TEX2: variants seen among roughly 807,000 people sequenced by gnomAD.
TEX2 encodes the protein testis-expressed protein 2.
A neutral mutation model predicts 106.9 loss-of-function variants in TEX2; 53 were observed. The observed-to-expected ratio is 0.50, with a 90% confidence interval of 0.40 to 0.62. TEX2 has a LOEUF of 0.62. Among genes scored for constraint, TEX2 ranks in the 20% least tolerant of loss-of-function variants. TEX2 has a pLI of 0.00. For synonymous variants in TEX2, 523 were observed against 534.8 expected (o/e 0.98, Z 0.30); for missense variants, 1,207 against 1,379.0 (o/e 0.88, Z 1.98).
intron 1 of TEX2, among the ~76,000 whole-genome samples, chr17:64,261,461 A>G (rs1180635206): frequency 5.3e-5 from 8 of 152,180 alleles, no homozygotes; most frequent in Admixed American, 1.3e-4. Flanking sequence ...ATCTTCTCTC[A>G]CGATGACATA....
At chr17:64,230,001 GA>G (rs1567958400) in intron 1 of TEX2, among the ~76,000 whole-genome samples, 1 of 152,166 alleles carries the variant, frequency 6.6e-6, no homozygotes, top group East Asian at 1.9e-4. Context: ...ACTTAACCTT[GA>G]TATAGGGCAG....
Position 64,148,491 on chromosome 17 carries a change from C to T in TEX2, c.*478G>A, listed in dbSNP as rs933336105. ...CCGAAATGAAAAGGCTCACAGAATTCCTCTCCCCACCCTCCAGACACATTG... is the reference window on the plus strand; with the variant it reads ...CCGAAATGAAAAGGCTCACAGAATTTCTCTCCCCACCCTCCAGACACATTG... On this transcript the variant is annotated 3_prime_UTR_variant, in exon 12 of 12. Coordinates refer to ENST00000584379, the MANE Select transcript of TEX2 (RefSeq NM_001288732.2). The T allele has an allele frequency of 6.5e-6, 1 of 154,018 alleles. No homozygotes were observed. The highest frequency in any genetic ancestry group is 1.4e-5 in the Non-Finnish European group (1 of 69,066). 9.5% of individuals were successfully genotyped at this position (154,018 alleles called of 1,614,324 possible).
intron 4 of TEX2, 167 bp from the exon 5 acceptor site, chr17:64,188,582 C>T (rs2032174823): frequency 1.9e-6 from 2 of 1,055,568 alleles, no homozygotes; most frequent in South Asian, 1.7e-5. Context: ...TTTGAGAGGC[C>T]GAGGCGGGCG....
Position 64,148,644 on chromosome 17 carries a change from C to G in TEX2, c.*325G>C. 1 of 260,028 alleles carries G rather than the reference C, an allele frequency of 3.8e-6. No individual in the cohort carries two copies. The highest frequency in any genetic ancestry group is 2.3e-5 in the African/African-American group (1 of 44,420). 16.1% of individuals were successfully genotyped at this position (260,028 alleles called of 1,614,324 possible). ...AGGAGGCAAGTTGTTCAGCTTTGCT[C>G]TTACTGTGCTCATTTGCTGCCACAA... is the stretch of plus-strand genomic sequence containing the variant. On this transcript the variant is annotated 3_prime_UTR_variant, in exon 12 of 12. Coordinates refer to ENST00000584379, the MANE Select transcript of TEX2 (RefSeq NM_001288732.2).
intron 8 of TEX2, among the ~76,000 whole-genome samples, chr17:64,158,800 G>C (rs2030751487): frequency 6.6e-6 from 1 of 152,162 alleles, no homozygotes; most frequent in African/African-American, 2.4e-5. Context: ...AGGGGTAAGG[G>C]TCCATTTTTC....
rs888990523 is a variant in TEX2 at position 64,213,493 on chromosome 17, A to G, written c.725T>C (p.Leu242Pro). Residue 242 changes from leucine (L) to proline (P), a missense_variant, in exon 2 of 12, where the codon CTG (leucine) becomes CCG (proline). Leu to Pro is a moderately conservative substitution (Grantham distance 98). This residue lies in a region of TEX2 where 1,067 missense variants were observed against 1,193.6 expected (regional missense o/e 0.89). Coordinates refer to ENST00000584379, the MANE Select transcript of TEX2 (RefSeq NM_001288732.2). This position sits in a 1 kb window ranked among gnomAD's most constrained non-coding sequence, Gnocchi z 4.4. ...GAACTGCTTGAACAGGTGTAAGTTC[A>G]GTTTGGAATCAGGTGGCTTATAGGA... ...TVSYKPPDSK[L>P]NLHLFKQFTQ... The G allele has an allele frequency of 2.5e-6, 4 of 1,614,146 alleles. No individual in the cohort carries two copies. The highest frequency in any genetic ancestry group is 1.1e-5 in the South Asian group (1 of 91,074).
Position 64,153,249 on chromosome 17 carries a change from C to T in TEX2, c.2931-95G>A. 1 of 847,232 alleles carries T rather than the reference C, an allele frequency of 1.2e-6. No individual in the cohort carries two copies. Among genetic ancestry groups the T allele is most frequent in the Non-Finnish European group, 1.9e-6 (1 of 529,826 alleles). 52.5% of individuals were successfully genotyped at this position (847,232 alleles called of 1,614,324 possible). On this transcript the variant is annotated intron_variant, in intron 9 of 11. Coordinates refer to ENST00000584379, the MANE Select transcript of TEX2 (RefSeq NM_001288732.2). This position sits in a 1 kb window ranked among gnomAD's most constrained non-coding sequence, Gnocchi z 4.1. ...CTTCGTTCCCCTTACTTTAGAGCACCACTCGATGTTTTGGATGTGGTGATT... is the reference window on the plus strand; with the variant it reads ...CTTCGTTCCCCTTACTTTAGAGCACTACTCGATGTTTTGGATGTGGTGATT...
intron 1 of TEX2, among the ~76,000 whole-genome samples, chr17:64,235,458 A>G (rs1421401898): frequency 1.3e-5 from 2 of 152,182 alleles, no homozygotes; most frequent in African/African-American, 4.8e-5. Flanking sequence ...CTTTCACCCT[A>G]TCTACCCAGG....
Position 64,153,043 on chromosome 17 carries a change from T to C in TEX2, c.3042A>G (p.Glu1014=), listed in dbSNP as rs2030437516. 1 of 1,614,212 alleles carries C rather than the reference T, an allele frequency of 6.2e-7. No homozygotes were observed. Among genetic ancestry groups the C allele is most frequent in the Non-Finnish European group, 8.5e-7 (1 of 1,180,030 alleles). ...TETEFIKKKI[E]EVSNTPLLLT... is the part of the protein sequence containing the mutation. Reference sequence around the variant, plus strand: ...GCAGCAGGGGTGTGTTGGAGACTTCTTCGATCTTCTTTTTAATAAACTCTG... The same window carrying C: ...GCAGCAGGGGTGTGTTGGAGACTTCCTCGATCTTCTTTTTAATAAACTCTG... Residue 1014 remains glutamate (E), a synonymous_variant, in exon 10 of 12, where the codon GAA becomes GAG. Coordinates refer to ENST00000584379, the MANE Select transcript of TEX2 (RefSeq NM_001288732.2). The surrounding 1 kb of genome is among the most constrained non-coding windows in gnomAD (Gnocchi z 4.1).
rs781945670 is a variant in TEX2 at position 64,260,992 on chromosome 17, T to C, written c.-26+2176A>G. Among the ~76,000 whole-genome samples the C allele has an allele frequency of 3.9e-5, 6 of 152,226 alleles. No individual in the cohort carries two copies. The South Asian group carries it at 1.0e-3, about 26-fold the overall frequency. ...ACGTGAGGATTAATATAATTTTATA[T>C]TGAACCTGACACAGAAAACTGGTCT... is the stretch of plus-strand genomic sequence containing the variant. On this transcript the variant is annotated intron_variant, in intron 1 of 11. Coordinates refer to ENST00000584379, the MANE Select transcript of TEX2 (RefSeq NM_001288732.2).
At chr17:64,168,902 C>CTTATTTT in intron 7 of TEX2, among the ~76,000 whole-genome samples, 1 of 106,968 alleles carries the variant, frequency 9.3e-6, no homozygotes, top group Non-Finnish European at 1.8e-5. Flanking sequence ...ATAGATGGTG[C>CTTATTTT]TTTTTTTTTT....
At position 64,177,422 on chromosome 17, in the gene TEX2, T is replaced by A; in HGVS notation, c.2474A>T (p.Asn825Ile). 2 of 1,614,198 alleles carry A rather than the reference T, an allele frequency of 1.2e-6. No homozygotes were observed. The highest frequency in any genetic ancestry group is 1.7e-6 in the Non-Finnish European group (2 of 1,180,038). Residue 825 changes from asparagine to isoleucine, a missense_variant, in exon 6 of 12, where the codon AAT becomes ATT. This residue lies in a region of TEX2 where 1,067 missense variants were observed against 1,193.6 expected (regional missense o/e 0.89). Coordinates refer to ENST00000584379, the MANE Select transcript of TEX2 (RefSeq NM_001288732.2). ...SEEEEQEAWV[N>I]ALLGRIFWDF... ...CCAAAATATTCTTCCAAGCAAGGCA[T>A]TCACCCAGGCTTCCTGTTCTTCCTC...
intron 5 of TEX2, among the ~76,000 whole-genome samples, chr17:64,179,115 T>TG (rs1396040676): frequency 6.6e-6 from 1 of 152,084 alleles, no homozygotes; most frequent in Non-Finnish European, 1.5e-5. Flanking sequence ...CTGGGTGGAG[T>TG]GGGGACTTGG....
Position 64,153,000 on chromosome 17 carries a change from C to CT in TEX2, c.3084dup (p.Glu1029ArgfsTer3). 1 of 1,614,188 alleles carries CT rather than the reference C, an allele frequency of 6.2e-7. No homozygotes were observed. The highest frequency in any genetic ancestry group is 2.2e-5 in the East Asian group (1 of 44,884). On this transcript the variant is annotated frameshift_variant, in exon 10 of 12. Coordinates refer to ENST00000584379, the MANE Select transcript of TEX2 (RefSeq NM_001288732.2). LOFTEE classifies it high-confidence loss of function. ...TTGACCGCCAAGGTTCCTCTACATT[C>CT]TTGTACTTCAACAGTGAGCAGCAGG...
chr17:64,209,906 G>A (rs1405943646), intron 2 of TEX2, among the ~76,000 whole-genome samples: 5 of 152,210 alleles, frequency 3.3e-5, no homozygotes, highest in East Asian at 1.9e-4. Flanking sequence ...CCATTCCATC[G>A]GCACCCTGTG....
intron 2 of TEX2, among the ~76,000 whole-genome samples, chr17:64,203,962 TGACA>T (rs1237882068): frequency 1.3e-5 from 2 of 152,222 alleles, no homozygotes; most frequent in Admixed American, 6.5e-5. Context: ...TATAATGCAC[TGACA>T]GACAGTAATA....
intron 7 of TEX2, among the ~76,000 whole-genome samples, chr17:64,163,697 G>T (rs1490454940): frequency 6.6e-6 from 1 of 152,146 alleles, no homozygotes; most frequent in Non-Finnish European, 1.5e-5. Flanking sequence ...CCCCTGCCTT[G>T]CAAGACTGAA....
chr17:64,171,350 C>G, intron 6 of TEX2, 151 bp from the exon 7 acceptor site: 1 of 660,366 alleles, frequency 1.5e-6, no homozygotes, highest in Non-Finnish European at 2.7e-6. Flanking sequence ...ACATCATGTA[C>G]TAGGCTTCGT....
At position 64,188,435 on chromosome 17, in the gene TEX2, G is replaced by A. The variant is rs1321940788; in HGVS notation, c.2177-20C>T. ...AAAGCCCTGGAGCCAAGAAGACGGGGGCTATTCACACAATGAAGAAAACAA... is the reference window on the plus strand; with the variant it reads ...AAAGCCCTGGAGCCAAGAAGACGGGAGCTATTCACACAATGAAGAAAACAA... On this transcript the variant is annotated intron_variant, in intron 4 of 11. Transcript: ENST00000584379. 6.2e-7 allele frequency: 1 copy of A among 1,612,772 alleles called. No individual in the cohort carries two copies. The highest frequency in any genetic ancestry group is 1.3e-5 in the African/African-American group (1 of 74,670).
Sources: allele counts gnomAD v4.1 joint callset (sites outside exome capture counted in the v4.1 genomes callset), GRCh38; gene constraint gnomAD v4.1.1; regional missense constraint gnomAD v4.1.1; non-coding constraint Gnocchi (gnomAD v3.1); transcripts MANE v1.5; gene names NCBI Gene and HGNC (gene_info 2026-07-23, HGNC 2026-07-21).